TYRP1: variants seen among roughly 807,000 people sequenced by gnomAD.
The protein encoded by TYRP1 is tyrosinase related protein 1.
A neutral mutation model predicts 42.8 loss-of-function variants in TYRP1; 49 were observed. The observed-to-expected ratio is 1.14, with a 90% CI of 0.91 to 1.45. The LOEUF (loss-of-function observed/expected upper bound fraction) is 1.45, where lower values mean the gene tolerates loss of function less well. Ranked by LOEUF, TYRP1 falls within the 40% of genes most tolerant of loss-of-function variation. The pLI is 0.00. For missense variants in TYRP1, 848 were observed against 662.0 expected, an observed-to-expected ratio of 1.28 and a Z score of -3.08; for synonymous variants, 279 against 235.4, an observed-to-expected ratio of 1.19 and a Z score of -1.69.
At chr9:12,699,043 A>T (rs1563853615) in intron 4 of TYRP1, among the ~76,000 whole-genome samples, 1 of 152,116 alleles carries the variant, frequency 6.6e-6, no homozygotes, top group African/African-American at 2.4e-5. Flanking sequence ...ATAGGCAAAA[A>T]GTTGGAAATG....
intron 5 of TYRP1, 129 bp from the exon 6 acceptor site, chr9:12,704,397 G>A: frequency 1.1e-6 from 1 of 916,536 alleles, no homozygotes; most frequent in Admixed American, 2.0e-5. Flanking sequence ...AAGCAGTGCT[G>A]TTATATTAAG....
At chr9:12,708,408 A>G (rs766157015) in intron 7 of TYRP1, among the ~76,000 whole-genome samples, 2 of 151,972 alleles carry the variant, frequency 1.3e-5, no homozygotes, top group Non-Finnish European at 2.9e-5. Context: ...TCATTTCACA[A>G]ATAAGGAAGC....
Position 12,709,249 on chromosome 9 carries a change from A to G in TYRP1, c.*67A>G. The stretch of plus-strand genomic sequence containing the variant: ...CTGGTTGAATATAATAGATTGAGTT[A>G]TTAACTGTATTTTCTTTCACTTTAT... On this transcript the variant is annotated 3_prime_UTR_variant, in exon 8 of 8. Coordinates refer to ENST00000388918, the MANE Select transcript of TYRP1 (RefSeq NM_000550.3). 7.0e-7 allele frequency: 1 copy of G among 1,435,312 alleles called. No homozygotes were observed. The allele number at this position is 1,435,312 out of a possible 1,614,324, so 88.9% of individuals were successfully genotyped here. A position where few individuals can be genotyped will look rare whatever the true frequency, so the allele number is the denominator to read the frequency against.
chr9:12,694,529 G>A (rs1818046624), intron 2 of TYRP1, 148 bp downstream of exon 2: 2 of 1,045,926 alleles, frequency 1.9e-6, no homozygotes, highest in African/African-American at 1.6e-5. Context: ...GGCTTAGAAA[G>A]GTTAAGAAAC....
chr9:12,702,809 T>A (rs1012432925), intron 5 of TYRP1, among the ~76,000 whole-genome samples: 42 of 152,092 alleles, frequency 2.8e-4, no homozygotes, highest in Non-Finnish European at 8.8e-5. Flanking sequence ...GTTTTTTTTT[T>A]AAATAGAGTA....
chr9:12,708,506 C>T (rs1384625858), intron 7 of TYRP1, among the ~76,000 whole-genome samples: 1 of 151,876 alleles, frequency 6.6e-6, no homozygotes. Context: ...GAATATGCCC[C>T]AATTTTTCTA....
At position 12,695,711 on chromosome 9, in the gene TYRP1, C is replaced by T. The variant is rs1563852251; in HGVS notation, c.582C>T (p.Tyr194=). ...IYNYFVWTHY[Y]SVKKTFLGVG... ...ACTACTTTGTTTGGACACACTATTA[C>T]TCAGTCAAAAAGACTTTCCTTGGGG... is the stretch of plus-strand genomic sequence containing the variant. The change falls in exon 3 of 8, where the codon TAC becomes TAT. Residue 194 remains tyrosine (Y), a synonymous_variant. Transcript: ENST00000388918. The T allele has an allele frequency of 6.2e-7, 1 of 1,614,164 alleles. No individual in the cohort carries two copies. The highest frequency in any genetic ancestry group is 8.5e-7 in the Non-Finnish European group (1 of 1,180,030).
At chr9:12,706,473 A>G (rs1363077315) in intron 6 of TYRP1, among the ~76,000 whole-genome samples, 6 of 152,058 alleles carry the variant, frequency 3.9e-5, no homozygotes, top group East Asian at 1.9e-4. Flanking sequence ...ATACCTTTTG[A>G]ACATTTTTTT....
chr9:12,707,328 G>C (rs546749252), intron 6 of TYRP1, among the ~76,000 whole-genome samples: 3 of 152,026 alleles, frequency 2.0e-5, no homozygotes, highest in East Asian at 1.9e-4. Flanking sequence ...CAGTATTCAA[G>C]GTACCAGAAA....
In TYRP1 at chr9:12,698,552, C is replaced by A. The variant is rs202189890; in HGVS notation, c.810C>A (p.Ser270Arg). Residue 270 changes from serine to arginine, a missense_variant, in exon 4 of 8, where the codon AGC becomes AGA. By Grantham distance (110) the Ser-to-Arg change is moderately radical. Transcript: ENST00000388918. ...ICTDDLMGSR[S>R]NFDSTLISPN... Reference sequence around the variant, plus strand: ...CGGATGACTTGATGGGATCCAGAAGCAACTTTGATTCCACTCTAATAAGCC... The same window carrying A: ...CGGATGACTTGATGGGATCCAGAAGAAACTTTGATTCCACTCTAATAAGCC... 6.8e-6 allele frequency: 11 copies of A among 1,613,836 alleles called. No individual in the cohort carries two copies. Among genetic ancestry groups the A allele is most frequent in the Non-Finnish European group, 9.3e-6 (11 of 1,179,820 alleles).
intron 7 of TYRP1, 29 bp from the exon 8 acceptor site, chr9:12,708,948 T>A: frequency 1.3e-6 from 2 of 1,544,800 alleles, no homozygotes; most frequent in Non-Finnish European, 1.8e-6. Flanking sequence ...AATATTTGTC[T>A]TTTTATTTTT....
intron 7 of TYRP1, 52 bp downstream of exon 7, chr9:12,708,195 T>TTATC (rs775173889): frequency 3.1e-6 from 5 of 1,599,582 alleles, no homozygotes; most frequent in Admixed American, 1.7e-5. Flanking sequence ...AGCAAATGTG[T>TTATC]TATCTTTCAA....
intron 5 of TYRP1, among the ~76,000 whole-genome samples, chr9:12,702,639 A>G (rs540929907): frequency 6.6e-6 from 1 of 152,158 alleles, no homozygotes; most frequent in South Asian, 2.1e-4. Context: ...TCTTTTCATT[A>G]TAGGTGAAGC....
intron 5 of TYRP1, 138 bp downstream of exon 5, chr9:12,702,576 A>G (rs929206602): frequency 2.1e-5 from 19 of 895,290 alleles, no homozygotes; most frequent in Admixed American, 1.6e-4. Context: ...TTCTATTATG[A>G]TACACCTGCT....
At chr9:12,701,523 T>C (rs1206055460) in intron 4 of TYRP1, 1 of 152,036 alleles carries the variant, frequency 6.6e-6, no homozygotes, top group Non-Finnish European at 1.5e-5. Flanking sequence ...ATGTTTGTCT[T>C]GTAAAATTTA....
In TYRP1 at chr9:12,706,946, C is replaced by T. The variant is rs146287335; in HGVS notation, c.1262-1051C>T. ...TAGGCTTGGAAAGGAACAAAAATTACACTTTACAGATAAAGAAAAGTGGAG... is the reference window on the plus strand; with the variant it reads ...TAGGCTTGGAAAGGAACAAAAATTATACTTTACAGATAAAGAAAAGTGGAG... On this transcript the variant is annotated intron_variant, in intron 6 of 7. Coordinates refer to ENST00000388918, the MANE Select transcript of TYRP1 (RefSeq NM_000550.3). 1.8e-3 allele frequency among the ~76,000 whole-genome samples: 269 copies of T among 151,978 alleles called. 1 individual carries two copies. Among genetic ancestry groups the T allele is most frequent in the African/African-American group, 6.2e-3 (256 of 41,524 alleles).
Position 12,694,061 on chromosome 9 carries a change from C to T in TYRP1, c.65C>T (p.Ala22Val). 1.9e-6 allele frequency: 3 copies of T among 1,614,000 alleles called. No individual in the cohort carries two copies. Among genetic ancestry groups the T allele is most frequent in the Non-Finnish European group, 2.5e-6 (3 of 1,180,020 alleles). Residue 22 changes from alanine to valine, a missense_variant, in exon 2 of 8, where the codon GCC (alanine) becomes GTC (valine). Coordinates refer to ENST00000388918, the MANE Select transcript of TYRP1 (RefSeq NM_000550.3). ...TTCCCCTTGCTACTTTTTCAGCAGGCCCGGGCTCAATTCCCAAGACAGTGT... is the reference window on the plus strand; with the variant it reads ...TTCCCCTTGCTACTTTTTCAGCAGGTCCGGGCTCAATTCCCAAGACAGTGT... Reference protein sequence around the residue: ...IFFPLLLFQQARAQFPRQCAT... With the variant: ...IFFPLLLFQQVRAQFPRQCAT...
chr9:12,695,665 T>G lies in TYRP1; in HGVS notation c.536T>G (p.Phe179Cys). Reference sequence around the variant, plus strand: ...GGGCCAGATGGCAACACGCCACAATTTGAGAACATTTCCATTTATAACTAC... The same window carrying G: ...GGGCCAGATGGCAACACGCCACAATGTGAGAACATTTCCATTTATAACTAC... ...ILGPDGNTPQ[F>C]ENISIYNYFV... is the part of the protein sequence containing the mutation. The change falls in exon 3 of 8, where the codon TTT becomes TGT. Residue 179 changes from phenylalanine to cysteine, a missense_variant. Transcript: ENST00000388918. The G allele has an allele frequency of 6.2e-7, 1 of 1,614,162 alleles. No homozygotes were observed. Among genetic ancestry groups the G allele is most frequent in the South Asian group, 1.1e-5 (1 of 91,090 alleles).
Position 12,709,653 on chromosome 9 carries a change from A to C in TYRP1, c.*471A>C, listed in dbSNP as rs1261381428. 4.0e-5 allele frequency: 3 copies of C among 75,070 alleles called. No homozygotes were observed. The highest frequency in any genetic ancestry group is 1.1e-4 in the African/African-American group (3 of 27,746). 4.7% of individuals were successfully genotyped at this position (75,070 alleles called of 1,614,324 possible). A position where few individuals can be genotyped will look rare whatever the true frequency, so the allele number is the denominator to read the frequency against. ...CCACAGTTATTAATTAAAGAAAATT[A>C]ATTATGTGTAGTTATAAACCAATGA... On this transcript the variant is annotated 3_prime_UTR_variant, in exon 8 of 8. Coordinates refer to ENST00000388918, the MANE Select transcript of TYRP1 (RefSeq NM_000550.3).
Sources: gnomAD v4.1 joint callset for allele counts (sites outside exome capture counted in the v4.1 genomes callset) on GRCh38, gnomAD v4.1.1 for gene constraint, MANE v1.5 for transcripts, NCBI Gene and HGNC (gene_info 2026-07-23, HGNC 2026-07-21) for gene names.